Variants in TRRAP observed in about 807,000 individuals in gnomAD.
TRRAP encodes transformation/transcription domain-associated protein.
In TRRAP, 41 loss-of-function variants were observed where a neutral mutation model predicts 438.8. That is an observed-to-expected ratio of 0.09 (90% confidence interval 0.07 to 0.12). The LOEUF (loss-of-function observed/expected upper bound fraction) is 0.12. TRRAP is among the 10% of genes least tolerant of loss of function. The probability of loss-of-function intolerance (pLI) is 1.00; values close to 1 mark genes in which losing one functional copy is unlikely to be tolerated. For synonymous variants in TRRAP, 1,994 were observed against 1,962.9 expected, an observed-to-expected ratio of 1.02 and a Z score of -0.42; for missense variants, 3,122 against 5,055.1, an observed-to-expected ratio of 0.62 and a Z score of 11.60.
At chr7:99,006,064 A>G (rs906630295) in intron 69 of TRRAP, among the ~76,000 whole-genome samples, 3 of 152,222 alleles carry the variant, frequency 2.0e-5, no homozygotes, top group Non-Finnish European at 4.4e-5. Context: ...TGCCCTGTTA[A>G]GGCCACAGAA....
In TRRAP at chr7:98,967,511, T is replaced by C. The variant is rs749033347; in HGVS notation, c.7325T>C (p.Leu2442Pro). ...GATGAGACCCTCTCTGGCAGCGAGC[T>C]GACGGCGAAACTTGAGCCTGCCTTT... Reference protein sequence around the residue: ...YRDETLSGSELTAKLEPAFLS... With the variant: ...YRDETLSGSEPTAKLEPAFLS... The change falls in exon 51 of 73, where the codon CTG (leucine) becomes CCG (proline). Residue 2442 changes from leucine to proline, a missense_variant. Leu to Pro is a moderately conservative substitution (Grantham distance 98). Coordinates refer to ENST00000456197, the MANE Select transcript of TRRAP (RefSeq NM_001375524.1). The C allele has an allele frequency of 6.2e-7, 1 of 1,614,038 alleles. No individual in the cohort carries two copies. Among genetic ancestry groups the C allele is most frequent in the South Asian group, 1.1e-5 (1 of 91,078 alleles).
intron 22 of TRRAP, among the ~76,000 whole-genome samples, chr7:98,926,230 TGA>T (rs1183574522): frequency 6.6e-6 from 1 of 152,126 alleles, no homozygotes; most frequent in East Asian, 1.9e-4. Context: ...ACATAATGAC[TGA>T]GAATTTCCCA....
chr7:98,977,793 C>T lies in TRRAP; in HGVS notation c.8386-418C>T, dbSNP rs116216346. On this transcript the variant is annotated intron_variant, in intron 56 of 72. Coordinates refer to ENST00000456197, the MANE Select transcript of TRRAP (RefSeq NM_001375524.1). ...AGATGTGGCCTTGCGGCTCCTGCTC[C>T]GATTACTAAAGGATGGAGAAAGTAA... is the stretch of plus-strand genomic sequence containing the variant. Among the ~76,000 whole-genome samples the T allele has an allele frequency of 7.4e-3, 1,133 of 152,364 alleles. 18 individuals are homozygous for T. The highest frequency in any genetic ancestry group is 0.026 in the African/African-American group (1,092 of 41,576).
chr7:98,967,523 T>C lies in TRRAP; in HGVS notation c.7337T>C (p.Leu2446Pro). 1 of 1,614,050 alleles carries C rather than the reference T, an allele frequency of 6.2e-7. No individual in the cohort carries two copies. Among genetic ancestry groups the C allele is most frequent in the Non-Finnish European group, 8.5e-7 (1 of 1,180,022 alleles). The change falls in exon 51 of 73, where the codon CTT becomes CCT. Residue 2446 changes from leucine (L) to proline (P), a missense_variant. Around this residue, in one of 24 missense-constraint regions of TRRAP, gnomAD observed 992 missense variants for 1,281.2 expected, o/e 0.77. Coordinates refer to ENST00000456197, the MANE Select transcript of TRRAP (RefSeq NM_001375524.1). The stretch of plus-strand genomic sequence containing the variant: ...TCTGGCAGCGAGCTGACGGCGAAAC[T>C]TGAGCCTGCCTTTCTCTCTGGGCTG... ...TLSGSELTAK[L>P]EPAFLSGLRC...
intron 1 of TRRAP, 43 bp from the exon 2 acceptor site, chr7:98,881,047 T>A: frequency 2.4e-6 from 2 of 838,196 alleles, no homozygotes; most frequent in Non-Finnish European, 3.6e-6. Flanking sequence ...ATTGTGATCC[T>A]GTGCCCTCCA....
chr7:98,899,979 G>C (rs1796400341), intron 10 of TRRAP, among the ~76,000 whole-genome samples: 1 of 152,150 alleles, frequency 6.6e-6, no homozygotes, highest in Non-Finnish European at 1.5e-5. Flanking sequence ...TCGTATTCTG[G>C]TGCGTTGTAA....
intron 58 of TRRAP, among the ~76,000 whole-genome samples, chr7:98,980,811 T>C (rs564018723): frequency 2.0e-5 from 3 of 152,280 alleles, no homozygotes; most frequent in South Asian, 4.1e-4. Flanking sequence ...CCCAACGCTT[T>C]GGGAGGCCAA....
chr7:98,884,015 G>A (rs1005763591), intron 3 of TRRAP, among the ~76,000 whole-genome samples: 2 of 152,132 alleles, frequency 1.3e-5, no homozygotes. Context: ...TTCCTTGGTG[G>A]GATTCAACCT....
At chr7:99,006,443 G>A (rs115872090) in intron 69 of TRRAP, among the ~76,000 whole-genome samples, 199 of 152,332 alleles carry the variant, frequency 1.3e-3, no homozygotes, top group African/African-American at 4.2e-3. Flanking sequence ...AACATGACCT[G>A]TAGTGTTGAT....
chr7:98,938,545 T>C (rs1790657028), intron 30 of TRRAP, among the ~76,000 whole-genome samples: 1 of 91,542 alleles, frequency 1.1e-5, no homozygotes, highest in African/African-American at 2.6e-5. Flanking sequence ...TTTTTTCCTA[T>C]AAAAGGGGGT....
At chr7:98,995,239 TG>T (rs1159438296) in intron 67 of TRRAP, among the ~76,000 whole-genome samples, 5 of 151,296 alleles carry the variant, frequency 3.3e-5, no homozygotes, top group Admixed American at 6.6e-5. Context: ...CGGTGGGAGA[TG>T]GGGCCGGGTG....
In TRRAP at chr7:98,948,403, CTTGATCGTA is replaced by C; in HGVS notation, c.4668+66_4668+74del. On this transcript the variant is annotated intron_variant, in intron 34 of 72. Transcript: ENST00000456197. The surrounding 1 kb of genome is among the most constrained non-coding windows in gnomAD (Gnocchi z 4.9). ...CCCTCCGGTGCTTATAGCGTCCTCA[CTTGATCGTA>C]TTTTCAATGGACGGAACAGCATAAA... 2 of 1,611,570 alleles carry C rather than the reference CTTGATCGTA, an allele frequency of 1.2e-6. No individual in the cohort carries two copies. Among genetic ancestry groups the C allele is most frequent in the Non-Finnish European group, 1.7e-6 (2 of 1,178,534 alleles).
Position 98,915,843 on chromosome 7 carries a change from C to A in TRRAP, c.2320C>A (p.Leu774Ile). Residue 774 changes from leucine (L) to isoleucine (I), a missense_variant, in exon 19 of 73, where the codon CTC becomes ATC. Leu to Ile is a conservative substitution (Grantham distance 5, BLOSUM62 2). This residue lies in a region of TRRAP where 149 missense variants were observed against 302.8 expected (regional missense o/e 0.49). Coordinates refer to ENST00000456197, the MANE Select transcript of TRRAP (RefSeq NM_001375524.1). Reference protein sequence around the residue: ...FRSIGGGSHDLLYQEFLPLLP... With the variant: ...FRSIGGGSHDILYQEFLPLLP... ...CTCTATTGGTGGAGGTAGCCACGATCTCTTGTATCAGGAGTTCTTGCCTCT... is the reference window on the plus strand; with the variant it reads ...CTCTATTGGTGGAGGTAGCCACGATATCTTGTATCAGGAGTTCTTGCCTCT... 1 of 1,614,240 alleles carries A rather than the reference C, an allele frequency of 6.2e-7. No homozygotes were observed. The highest frequency in any genetic ancestry group is 2.2e-5 in the East Asian group (1 of 44,888).
intron 62 of TRRAP, 143 bp from the exon 63 acceptor site, chr7:98,988,622 G>A: frequency 3.2e-6 from 3 of 925,680 alleles, no homozygotes; most frequent in Non-Finnish European, 4.8e-6. Flanking sequence ...GGGGTTCAGA[G>A]CGACTGCTTA....
chr7:98,949,300 T>C (rs1338829389), intron 35 of TRRAP, 117 bp from the exon 36 acceptor site: 2 of 1,248,180 alleles, frequency 1.6e-6, no homozygotes, highest in Non-Finnish European at 2.1e-6. Flanking sequence ...TGGTAAGCCT[T>C]CTTTGAGAGA....
At position 98,999,268 on chromosome 7, in the gene TRRAP, TGTC is replaced by T. The variant is rs1793808984; in HGVS notation, c.10309+4423_10309+4425del. The stretch of plus-strand genomic sequence containing the variant: ...CTGCCCAGCTTCTCGCAGAAACAGA[TGTC>T]GTACAGGAACAGTCTACTATTAAAG... On this transcript the variant is annotated intron_variant, in intron 67 of 72. Coordinates refer to ENST00000456197, the MANE Select transcript of TRRAP (RefSeq NM_001375524.1). 3 of 1,178,532 alleles carry T rather than the reference TGTC, an allele frequency of 2.5e-6. No homozygotes were observed. In the South Asian group the frequency reaches 3.6e-5, roughly 14 times the overall value. The allele number at this position is 1,178,532 out of a possible 1,614,324, so 73.0% of individuals were successfully genotyped here. A position where few individuals can be genotyped will look rare whatever the true frequency, so the allele number is the denominator to read the frequency against.
chr7:98,945,847 A>G, intron 32 of TRRAP, 47 bp downstream of exon 32: 2 of 1,580,224 alleles, frequency 1.3e-6, no homozygotes. Context: ...CAATGTGAAG[A>G]AAAGTTTACC....
At chr7:99,003,806 G>C (rs1256824293) in intron 67 of TRRAP, among the ~76,000 whole-genome samples, 1 of 152,248 alleles carries the variant, frequency 6.6e-6, no homozygotes, top group East Asian at 1.9e-4. Context: ...GTTCACGCCT[G>C]TAATCCCAGC....
chr7:98,927,382 C>T lies in TRRAP; in HGVS notation c.3175+16C>T, dbSNP rs201078818. 3.8e-5 allele frequency: 62 copies of T among 1,613,240 alleles called. No homozygotes were observed. The African/African-American group carries it at 4.5e-4, about 12-fold the overall frequency. ...CAGCAGTGTGGTGAGCACGGGGGCA[C>T]GGTGGGGCACGGGATTGGTTCTTTG... On this transcript the variant is annotated intron_variant, in intron 23 of 72. Coordinates refer to ENST00000456197, the MANE Select transcript of TRRAP (RefSeq NM_001375524.1).
Sources: gnomAD v4.1 joint callset for allele counts (sites outside exome capture counted in the v4.1 genomes callset) on GRCh38, gnomAD v4.1.1 for gene constraint, gnomAD v4.1.1 regional missense constraint, Gnocchi (gnomAD v3.1) non-coding constraint, MANE v1.5 for transcripts, NCBI Gene and HGNC (gene_info 2026-07-23, HGNC 2026-07-21) for gene names.